Variants in TMEM233 observed in about 807,000 individuals in gnomAD.
TMEM233 encodes transmembrane protein 233.
TMEM233 carries 6 observed loss-of-function variants against 11.2 expected under a neutral mutation model. The ratio of observed to expected loss-of-function variants is 0.54; its 90% CI spans 0.29 to 1.06. The LOEUF (loss-of-function observed/expected upper bound fraction) is 1.06. TMEM233 is among the 50% of genes least tolerant of loss of function. TMEM233 has a pLI of 0.08. For synonymous variants in TMEM233, 59 were observed against 55.8 expected (o/e 1.06, Z -0.26); for missense variants, 127 against 144.7 (o/e 0.88, Z 0.63).
the TMEM233 span, among the ~76,000 whole-genome samples, chr12:119,649,480 A>T: frequency 6.6e-6 from 1 of 152,070 alleles, no homozygotes; most frequent in African/African-American, 2.4e-5. Context: ...TTTGCTTTTT[A>T]TACTCTCTGA....
At chr12:119,638,973 A>G (rs1418158467) in intron 2 of TMEM233, among the ~76,000 whole-genome samples, 1 of 151,250 alleles carries the variant, frequency 6.6e-6, no homozygotes, top group Non-Finnish European at 1.5e-5. Flanking sequence ...CCCATCCCAC[A>G]TCCTCATCTC....
intron 1 of TMEM233, among the ~76,000 whole-genome samples, chr12:119,597,344 A>G (rs1954068125): frequency 6.6e-6 from 1 of 152,218 alleles, no homozygotes; most frequent in Non-Finnish European, 1.5e-5. Context: ...CCCAGTGAAG[A>G]ATGGGCACAT....
At chr12:119,611,080 T>C (rs1325981809) in intron 1 of TMEM233, among the ~76,000 whole-genome samples, 1 of 152,242 alleles carries the variant, frequency 6.6e-6, no homozygotes, top group Non-Finnish European at 1.5e-5. Context: ...TATTCATTCA[T>C]TGATGGACAT....
chr12:119,626,561 G>GAA (rs1954770009), intron 1 of TMEM233, among the ~76,000 whole-genome samples: 1 of 141,716 alleles, frequency 7.1e-6, no homozygotes, highest in Non-Finnish European at 1.5e-5. Flanking sequence ...GAAGAGAAGA[G>GAA]AAGAGAAGAG....
intron 1 of TMEM233, among the ~76,000 whole-genome samples, chr12:119,609,451 A>G (rs556234070): frequency 6.6e-6 from 1 of 152,248 alleles, no homozygotes; most frequent in Non-Finnish European, 1.5e-5. Context: ...CCAAATGTTA[A>G]TCACCAAGAC....
chr12:119,648,761 A>G, the TMEM233 span, among the ~76,000 whole-genome samples: 1 of 152,208 alleles, frequency 6.6e-6, no homozygotes. Context: ...TGAATTAATT[A>G]ATTAATTAAT....
intron 1 of TMEM233, among the ~76,000 whole-genome samples, chr12:119,618,008 C>T (rs763674099): frequency 6.6e-6 from 1 of 152,222 alleles, no homozygotes; most frequent in Non-Finnish European, 1.5e-5. Flanking sequence ...AAAATTGTTT[C>T]ATGGGCCAGG....
At chr12:119,615,110 C>G (rs1954494225) in intron 1 of TMEM233, among the ~76,000 whole-genome samples, 2 of 148,526 alleles carry the variant, frequency 1.3e-5, no homozygotes, top group Admixed American at 6.8e-5. Context: ...ATCCTCTCCC[C>G]ACTGCTCTCT....
intron 1 of TMEM233, among the ~76,000 whole-genome samples, chr12:119,617,028 G>A (rs1954552178): frequency 6.6e-6 from 1 of 152,188 alleles, no homozygotes; most frequent in Non-Finnish European, 1.5e-5. Flanking sequence ...TTAACAGCGT[G>A]AGAACAGACA....
chr12:119,629,437 G>A (rs1047513089), intron 1 of TMEM233, among the ~76,000 whole-genome samples: 1 of 152,174 alleles, frequency 6.6e-6, no homozygotes, highest in East Asian at 1.9e-4. Flanking sequence ...ATAAAAGACA[G>A]ACGATGACCC....
At chr12:119,647,057 C>A (rs952611193), downstream of TMEM233, among the ~76,000 whole-genome samples, 1 of 151,992 alleles carries the variant, frequency 6.6e-6, no homozygotes, top group Non-Finnish European at 1.5e-5. Context: ...AATTAAAACT[C>A]AAACTTTCTT....
chr12:119,623,762 A>G (rs1954693623), intron 1 of TMEM233, among the ~76,000 whole-genome samples: 1 of 152,202 alleles, frequency 6.6e-6, no homozygotes. Flanking sequence ...AGCACACACT[A>G]TGTGCGGAGC....
chr12:119,616,004 TG>T (rs1370406182), intron 1 of TMEM233, among the ~76,000 whole-genome samples: 1 of 152,148 alleles, frequency 6.6e-6, no homozygotes, highest in African/African-American at 2.4e-5. Context: ...TTTCCCCCCG[TG>T]GGTATTTAGG....
the TMEM233 span, among the ~76,000 whole-genome samples, chr12:119,649,951 G>C: frequency 1.3e-5 from 2 of 151,052 alleles, no homozygotes; most frequent in African/African-American, 4.9e-5. Flanking sequence ...GAGGTAAGGA[G>C]ATCAAGACCA....
chr12:119,631,617 T>A, intron 2 of TMEM233: 1 of 985,402 alleles, frequency 1.0e-6, no homozygotes, highest in Non-Finnish European at 1.2e-6. Flanking sequence ...CTGACTATAT[T>A]CTTAAGAGAA....
intron 1 of TMEM233, among the ~76,000 whole-genome samples, chr12:119,605,409 CT>C (rs6144897): frequency 7.5e-4 from 70 of 93,610 alleles, no homozygotes; most frequent in East Asian, 6.4e-3. Context: ...TATGCCTTTC[CT>C]TTTTTTTTTT....
Position 119,594,550 on chromosome 12 carries a change from T to C in TMEM233, c.186+516T>C, listed in dbSNP as rs1953992662. The C allele has an allele frequency of 6.5e-6, 1 of 153,336 alleles. No homozygotes were observed. Among genetic ancestry groups the C allele is most frequent in the Non-Finnish European group, 1.4e-5 (1 of 68,966 alleles). The allele number at this position is 153,336 out of a possible 1,614,324, so 9.5% of individuals were successfully genotyped here. A position where few individuals can be genotyped will look rare whatever the true frequency, so the allele number is the denominator to read the frequency against. On this transcript the variant is annotated intron_variant, in intron 1 of 2. Transcript: ENST00000426426. The surrounding 1 kb of genome is among the most constrained non-coding windows in gnomAD (Gnocchi z 5.6). ...TCTCAGCCTGTGCTCCCTTCTCTCTTTGCTGCGCCCAAGGGCACCGCTTCC... is the reference window on the plus strand; with the variant it reads ...TCTCAGCCTGTGCTCCCTTCTCTCTCTGCTGCGCCCAAGGGCACCGCTTCC...
At chr12:119,636,629 C>T (rs1182023725) in intron 2 of TMEM233, among the ~76,000 whole-genome samples, 1 of 152,126 alleles carries the variant, frequency 6.6e-6, no homozygotes, top group Non-Finnish European at 1.5e-5. Context: ...CTTTTCATCT[C>T]TCATTGAGAT....
At chr12:119,632,899 G>C (rs1021787736) in intron 2 of TMEM233, among the ~76,000 whole-genome samples, 1 of 152,162 alleles carries the variant, frequency 6.6e-6, no homozygotes, top group African/African-American at 2.4e-5. Context: ...TCAAAGATCA[G>C]TTTGCTCATG....
Sources: gnomAD v4.1 joint callset for allele counts (sites outside exome capture counted in the v4.1 genomes callset) on GRCh38, gnomAD v4.1.1 for gene constraint, Gnocchi (gnomAD v3.1) non-coding constraint, MANE v1.5 for transcripts, NCBI Gene and HGNC (gene_info 2026-07-23, HGNC 2026-07-21) for gene names.